Variants in FBN2 observed in about 807,000 individuals in gnomAD.
The protein encoded by FBN2 is fibrillin 2.
FBN2 carries 105 observed loss-of-function variants against 355.6 expected under a neutral mutation model. The observed-to-expected ratio is 0.30, with a 90% CI of 0.25 to 0.35. The LOEUF is 0.35. FBN2 is among the 10% of genes least tolerant of loss of function. FBN2 has a pLI of 1.00. For missense variants in FBN2, 3,280 were observed against 3,758.7 expected, an observed-to-expected ratio of 0.87 and a Z score of 3.33; for synonymous variants, 1,350 against 1,301.2, an observed-to-expected ratio of 1.04 and a Z score of -0.81.
chr5:128,303,747 G>T (rs1376346932), intron 45 of FBN2, among the ~76,000 whole-genome samples: 7 of 152,168 alleles, frequency 4.6e-5, no homozygotes, highest in African/African-American at 1.7e-4. Flanking sequence ...AGGTCTTACT[G>T]AAGAATCTGA....
intron 5 of FBN2, among the ~76,000 whole-genome samples, chr5:128,465,618 A>C (rs1754691793): frequency 6.6e-6 from 1 of 152,174 alleles, no homozygotes; most frequent in Non-Finnish European, 1.5e-5. Context: ...CCTAGTTAGG[A>C]AGATCTCATT....
chr5:128,330,462 A>G, intron 33 of FBN2, 111 bp downstream of exon 33: 1 of 1,133,560 alleles, frequency 8.8e-7, no homozygotes, highest in Non-Finnish European at 1.3e-6. Flanking sequence ...CAAGTATAAA[A>G]AAAGAGGTAG....
intron 58 of FBN2, 142 bp from the exon 59 acceptor site, chr5:128,276,302 G>C: frequency 1.2e-6 from 1 of 822,806 alleles, no homozygotes; most frequent in Non-Finnish European, 2.0e-6. Context: ...ATGATGCACA[G>C]AAGGATTTTT....
intron 4 of FBN2, among the ~76,000 whole-genome samples, chr5:128,526,715 C>T (rs573682684): frequency 2.9e-4 from 44 of 152,044 alleles, no homozygotes; most frequent in African/African-American, 9.2e-4. Context: ...ATGATGGTTG[C>T]CCGGGGCAGG....
Position 128,315,949 on chromosome 5 carries a change from C to T in FBN2, c.4717+2200G>A, listed in dbSNP as rs375381572. Among the ~76,000 whole-genome samples the T allele has an allele frequency of 9.8e-5, 15 of 152,338 alleles. 1 individual carries two copies. The highest frequency in any genetic ancestry group is 4.1e-4 in the South Asian group (2 of 4,832). ...TCTGGGATTGTGCTTAGATGATTCA[C>T]TTCACCATCACCTTTAGAATCTAGA... On this transcript the variant is annotated intron_variant, in intron 36 of 64. Coordinates refer to ENST00000262464, the MANE Select transcript of FBN2 (RefSeq NM_001999.4).
At position 128,473,088 on chromosome 5, in the gene FBN2, ATACT is replaced by A. The variant is rs373673965; in HGVS notation, c.629-8171_629-8168del. On this transcript the variant is annotated intron_variant, in intron 5 of 64. Transcript: ENST00000262464. ...CAGTGCTACATAGGCACTCTTCAAC[ATACT>A]TACTGACTATACTTTGGCAAGTTTT... 1.6e-4 allele frequency among the ~76,000 whole-genome samples: 25 copies of A among 152,284 alleles called. No individual in the cohort carries two copies. The East Asian group carries it at 3.1e-3, about 19-fold the overall frequency.
chr5:128,379,726 A>G (rs1306729586), intron 11 of FBN2, among the ~76,000 whole-genome samples: 1 of 152,154 alleles, frequency 6.6e-6, no homozygotes, highest in Admixed American at 6.6e-5. Flanking sequence ...GTGTGCCAGT[A>G]TAAGAAGTTT....
intron 48 of FBN2, among the ~76,000 whole-genome samples, chr5:128,297,959 T>C (rs1476194515): frequency 6.6e-6 from 1 of 151,818 alleles, no homozygotes; most frequent in Non-Finnish European, 1.5e-5. Context: ...TGGCATGATT[T>C]TGCAGCGGCT....
intron 20 of FBN2, among the ~76,000 whole-genome samples, chr5:128,356,684 CA>C (rs1232432219): frequency 6.6e-6 from 1 of 152,172 alleles, no homozygotes; most frequent in Non-Finnish European, 1.5e-5. Context: ...ATGTCATTAT[CA>C]AGAACTGACT....
chr5:128,384,568 T>C (rs1409439840), intron 11 of FBN2, among the ~76,000 whole-genome samples: 2 of 152,130 alleles, frequency 1.3e-5, no homozygotes, highest in Non-Finnish European at 2.9e-5. Context: ...TTAGGAGTCA[T>C]GAACACCTAT....
At position 128,339,045 on chromosome 5, in the gene FBN2, C is replaced by A. The variant is rs863223564; in HGVS notation, c.3360G>T (p.Arg1120Ser). 6 of 1,614,024 alleles carry A rather than the reference C, an allele frequency of 3.7e-6. No homozygotes were observed. The highest frequency in any genetic ancestry group is 5.1e-6 in the Non-Finnish European group (6 of 1,179,944). The change falls in exon 26 of 65, where the codon AGG becomes AGT. Residue 1120 changes from arginine (R) to serine (S), a missense_variant. By Grantham distance (110) the Arg-to-Ser change is moderately radical. Coordinates refer to ENST00000262464, the MANE Select transcript of FBN2 (RefSeq NM_001999.4). ...ERNCTDIDECRISPDLCGSGI... is the reference protein window; with the variant it reads ...ERNCTDIDECSISPDLCGSGI... ...CACTGCCACAGAGGTCAGGAGAAAT[C>A]CTGCACTCGTCGATGTCTAATTCAC... is the stretch of plus-strand genomic sequence containing the variant.
At chr5:128,378,388 A>G (rs1204825092) in intron 12 of FBN2, among the ~76,000 whole-genome samples, 1 of 152,176 alleles carries the variant, frequency 6.6e-6, no homozygotes, top group Non-Finnish European at 1.5e-5. Context: ...TGGTGGGTGT[A>G]GCACTGAAGC....
rs756919574 is a variant in FBN2, at chr5:128,328,744, C to G, written c.4423G>C (p.Glu1475Gln). ...CLNVPGAYRCECEMGFTPASD... is the reference protein window; with the variant it reads ...CLNVPGAYRCQCEMGFTPASD... ...GCTGGAGTGAAGCCCATCTCACACT[C>G]GCAGCGATATGCACCCGGGACATTA... The change falls in exon 34 of 65, where the codon GAG becomes CAG. Residue 1475 changes from glutamate (E) to glutamine (Q), a missense_variant. By Grantham distance (29) the Glu-to-Gln change is conservative. Around this residue, in one of 6 missense-constraint regions of FBN2, gnomAD observed 2,284 missense variants for 2,749.5 expected, o/e 0.83. Coordinates refer to ENST00000262464, the MANE Select transcript of FBN2 (RefSeq NM_001999.4). 6.2e-7 allele frequency: 1 copy of G among 1,614,112 alleles called. No homozygotes were observed. The highest frequency in any genetic ancestry group is 8.5e-7 in the Non-Finnish European group (1 of 1,179,996).
intron 5 of FBN2, among the ~76,000 whole-genome samples, chr5:128,509,112 C>T (rs1043456010): frequency 6.6e-6 from 1 of 151,878 alleles, no homozygotes; most frequent in African/African-American, 2.4e-5. Context: ...ATTCATTGAT[C>T]TTGGGTCTGT....
chr5:128,390,839 T>C (rs894382309), intron 11 of FBN2, among the ~76,000 whole-genome samples: 8 of 152,254 alleles, frequency 5.3e-5, no homozygotes, highest in African/African-American at 1.9e-4. Context: ...GTATATTTGA[T>C]GCTAATGTTA....
intron 51 of FBN2, 64 bp from the exon 52 acceptor site, chr5:128,289,316 C>T: frequency 6.4e-7 from 1 of 1,568,834 alleles, no homozygotes; most frequent in African/African-American, 1.3e-5. Flanking sequence ...GGCGCAGTGG[C>T]TCATGCTTAT....
chr5:128,339,114 C>T lies in FBN2; in HGVS notation c.3344-53G>A, dbSNP rs567969441. The T allele has an allele frequency of 1.9e-5, 31 of 1,599,100 alleles. No individual in the cohort carries two copies. In the African/African-American group the frequency reaches 3.6e-4, roughly 19 times the overall value. On this transcript the variant is annotated intron_variant, in intron 25 of 64. Transcript: ENST00000262464. ...AAAAATTGAATGAGATAGACTTGGC[C>T]TTCCAAGCGAAGGTGCTGCATGCTT...
chr5:128,463,582 A>T (rs1263822884), intron 6 of FBN2, among the ~76,000 whole-genome samples: 3 of 152,222 alleles, frequency 2.0e-5, no homozygotes, highest in Non-Finnish European at 4.4e-5. Flanking sequence ...AACACTAACA[A>T]AAATCTGTGG....
At chr5:128,269,303 A>AATC (rs1554116116) in intron 62 of FBN2, among the ~76,000 whole-genome samples, 3 of 148,628 alleles carry the variant, frequency 2.0e-5, no homozygotes, top group Non-Finnish European at 3.0e-5. Flanking sequence ...TAATAATAAT[A>AATC]ATAAACTAAT....
Sources: gnomAD v4.1 joint callset for allele counts (sites outside exome capture counted in the v4.1 genomes callset) on GRCh38, gnomAD v4.1.1 for gene constraint, gnomAD v4.1.1 regional missense constraint, MANE v1.5 for transcripts, NCBI Gene and HGNC (gene_info 2026-07-23, HGNC 2026-07-21) for gene names.